Variants in PROSER2 observed in about 807,000 individuals in gnomAD.
PROSER2 encodes the protein proline and serine-rich protein 2.
A neutral mutation model predicts 14.6 loss-of-function variants in PROSER2; 18 were observed. That is an observed-to-expected ratio of 1.23 (90% CI 0.85 to 1.83). The LOEUF (loss-of-function observed/expected upper bound fraction) is 1.83, where lower values mean the gene tolerates loss of function less well. Ranked by LOEUF, PROSER2 falls within the 40% of genes most tolerant of loss-of-function variation. The probability of loss-of-function intolerance (pLI) is 0.00; values close to 1 mark genes in which losing one functional copy is unlikely to be tolerated. For missense variants in PROSER2, 823 were observed against 629.8 expected (o/e 1.31, Z -3.28); for synonymous variants, 367 against 286.4 (o/e 1.28, Z -2.84).
In PROSER2 at chr10:11,836,666, A is replaced by G. The variant is rs999561595; in HGVS notation, c.-82+13196A>G. On this transcript the variant is annotated intron_variant, in intron 1 of 3. Coordinates refer to ENST00000277570, the MANE Select transcript of PROSER2 (RefSeq NM_153256.4). The surrounding 1 kb of genome is among the most constrained non-coding windows in gnomAD (Gnocchi z 4.6). Reference sequence around the variant, plus strand: ...TGCTCACTGACCTCTGCCCTACTGTATATCCTGACACAGGAAGGGGGATGT... The same window carrying G: ...TGCTCACTGACCTCTGCCCTACTGTGTATCCTGACACAGGAAGGGGGATGT... 6.6e-6 allele frequency among the ~76,000 whole-genome samples: 1 copy of G among 152,058 alleles called. No homozygotes were observed. The highest frequency in any genetic ancestry group is 6.6e-5 in the Admixed American group (1 of 15,262).
chr10:11,825,502 C>T (rs534313501), intron 1 of PROSER2, among the ~76,000 whole-genome samples: 36 of 152,328 alleles, frequency 2.4e-4, no homozygotes, highest in Middle Eastern at 3.4e-3. Flanking sequence ...CCCCGCTCCA[C>T]TCTGAGGGGT....
Position 11,870,615 on chromosome 10 carries a change from C to T in PROSER2, c.*209C>T. 1 of 471,016 alleles carries T rather than the reference C, an allele frequency of 2.1e-6. No homozygotes were observed. Among genetic ancestry groups the T allele is most frequent in the Non-Finnish European group, 3.8e-6 (1 of 261,586 alleles). 29.2% of individuals were successfully genotyped at this position (471,016 alleles called of 1,614,324 possible). ...CCAGCCACCGGCACAGAGAACTCTT[C>T]CCTAAAGGAATCTGGCCGAGGGCTT... is the stretch of plus-strand genomic sequence containing the variant. On this transcript the variant is annotated 3_prime_UTR_variant, in exon 4 of 4. Coordinates refer to ENST00000277570, the MANE Select transcript of PROSER2 (RefSeq NM_153256.4).
chr10:11,855,175 T>C (rs1468331360), intron 2 of PROSER2, among the ~76,000 whole-genome samples: 1 of 150,754 alleles, frequency 6.6e-6, no homozygotes, highest in Non-Finnish European at 1.5e-5. Flanking sequence ...GCAAACGTTA[T>C]TCTTAAAAGA....
chr10:11,855,489 AAG>A, intron 2 of PROSER2, among the ~76,000 whole-genome samples: 1 of 150,998 alleles, frequency 6.6e-6, no homozygotes, highest in African/African-American at 2.5e-5. Flanking sequence ...AAAAAAAAAA[AAG>A]AAAAAAGACG....
At position 11,867,751 on chromosome 10, in the gene PROSER2, C is replaced by T. The variant is rs141557270; in HGVS notation, c.391+968C>T. ...CGCTCACCACTCACGTCCTGCTGTGCGCCCCAGTTCCTAACAGGCCAGACC... is the reference window on the plus strand; with the variant it reads ...CGCTCACCACTCACGTCCTGCTGTGTGCCCCAGTTCCTAACAGGCCAGACC... On this transcript the variant is annotated intron_variant, in intron 3 of 3. Coordinates refer to ENST00000277570, the MANE Select transcript of PROSER2 (RefSeq NM_153256.4). 5.8e-4 allele frequency among the ~76,000 whole-genome samples: 88 copies of T among 152,312 alleles called. 1 individual carries two copies. The highest frequency in any genetic ancestry group is 1.1e-3 in the Non-Finnish European group (76 of 68,032).
rs1834264295 is a variant in PROSER2 at position 11,862,510 on chromosome 10, A to G, written c.139-4021A>G. Among the ~76,000 whole-genome samples, 1 of 152,156 alleles carries G rather than the reference A, an allele frequency of 6.6e-6. No homozygotes were observed. The highest frequency in any genetic ancestry group is 1.5e-5 in the Non-Finnish European group (1 of 68,030). ...AGTTCAAGATCAGCCTGGGCCATGT[A>G]GCAAGACTTTGTCTCTACAAAAAAT... On this transcript the variant is annotated intron_variant, in intron 2 of 3. Transcript: ENST00000277570. This position sits in a 1 kb window ranked among gnomAD's most constrained non-coding sequence, Gnocchi z 4.2.
In PROSER2 at chr10:11,865,881, C is replaced by G. The variant is rs1328672790; in HGVS notation, c.139-650C>G. On this transcript the variant is annotated intron_variant, in intron 2 of 3. Coordinates refer to ENST00000277570, the MANE Select transcript of PROSER2 (RefSeq NM_153256.4). The surrounding 1 kb of genome is among the most constrained non-coding windows in gnomAD (Gnocchi z 4.2). ...TTCACCGTCACCTTGCCCACACTTC[C>G]AGAGCCGCTCAGCACCTCCAGGGCC... Among the ~76,000 whole-genome samples the G allele has an allele frequency of 1.3e-5, 2 of 152,196 alleles. No individual in the cohort carries two copies. Among genetic ancestry groups the G allele is most frequent in the Non-Finnish European group, 2.9e-5 (2 of 68,030 alleles).
chr10:11,837,782 C>A lies in PROSER2; in HGVS notation c.-81-14215C>A, dbSNP rs968666054. 1.3e-5 allele frequency among the ~76,000 whole-genome samples: 2 copies of A among 152,142 alleles called. No homozygotes were observed. The highest frequency in any genetic ancestry group is 4.8e-5 in the African/African-American group (2 of 41,424). On this transcript the variant is annotated intron_variant, in intron 1 of 3. Transcript: ENST00000277570. The surrounding 1 kb of genome is among the most constrained non-coding windows in gnomAD (Gnocchi z 4.6). ...AAACCTAATAGTAGAATGTGAGAAACTTCATATTATTTGTTCCAGCTTAGA... is the reference window on the plus strand; with the variant it reads ...AAACCTAATAGTAGAATGTGAGAAAATTCATATTATTTGTTCCAGCTTAGA...
chr10:11,843,231 C>T (rs1301721934), intron 1 of PROSER2, among the ~76,000 whole-genome samples: 2 of 150,658 alleles, frequency 1.3e-5, no homozygotes, highest in Non-Finnish European at 1.5e-5. Flanking sequence ...CGAGCCACCG[C>T]ACCCAGCCTT....
intron 1 of PROSER2, among the ~76,000 whole-genome samples, chr10:11,827,283 C>G (rs1400264211): frequency 6.6e-6 from 1 of 151,948 alleles, no homozygotes; most frequent in Non-Finnish European, 1.5e-5. Context: ...GACTTCGTTG[C>G]TGGACATCTC....
chr10:11,870,269 G>T lies in PROSER2; in HGVS notation c.1171G>T (p.Gly391Cys), dbSNP rs879092693. ...QSFPGPRQPN[G>C]AQDWRRADSL... is the part of the protein sequence containing the mutation. ...CTTCCCCGGGCCCCGGCAGCCCAAC[G>T]GCGCCCAGGACTGGCGCCGCGCAGA... The change falls in exon 4 of 4, where the codon GGC (glycine) becomes TGC (cysteine). Residue 391 changes from glycine (G) to cysteine (C), a missense_variant. Physicochemically the swap from Gly to Cys is radical, Grantham distance 159 (BLOSUM62 -3). Coordinates refer to ENST00000277570, the MANE Select transcript of PROSER2 (RefSeq NM_153256.4). 6 of 1,488,970 alleles carry T rather than the reference G, an allele frequency of 4.0e-6. No homozygotes were observed. The South Asian group carries it at 7.5e-5, about 19-fold the overall frequency. 92.2% of individuals were successfully genotyped at this position (1,488,970 alleles called of 1,614,324 possible).
Position 11,869,553 on chromosome 10 carries a change from C to A in PROSER2, c.455C>A (p.Pro152His). Residue 152 changes from proline to histidine, a missense_variant, in exon 4 of 4, where the codon CCC becomes CAC. Pro to His is a moderately conservative substitution (Grantham distance 77). Transcript: ENST00000277570. This position sits in a 1 kb window ranked among gnomAD's most constrained non-coding sequence, Gnocchi z 4.4. ...QDAETPPPPD[P>H]PAPETLLAPP... ...GCTGAGACTCCTCCACCTCCAGACC[C>A]CCCGGCTCCCGAGACCCTTCTTGCG... 1 of 1,613,554 alleles carries A rather than the reference C, an allele frequency of 6.2e-7. No individual in the cohort carries two copies. The highest frequency in any genetic ancestry group is 8.5e-7 in the Non-Finnish European group (1 of 1,179,550).
chr10:11,869,225 A>C lies in PROSER2; in HGVS notation c.392-265A>C. ...AGGGGCTGGAGCCTCAGCAGCCCAC[A>C]TGGACGGAATGTCTCCTAGGTGTGG... On this transcript the variant is annotated intron_variant, in intron 3 of 3. Coordinates refer to ENST00000277570, the MANE Select transcript of PROSER2 (RefSeq NM_153256.4). This position sits in a 1 kb window ranked among gnomAD's most constrained non-coding sequence, Gnocchi z 4.4. 1.8e-6 allele frequency: 1 copy of C among 542,810 alleles called. No homozygotes were observed. Among genetic ancestry groups the C allele is most frequent in the South Asian group, 2.2e-5 (1 of 46,208 alleles). 33.6% of individuals were successfully genotyped at this position (542,810 alleles called of 1,614,324 possible).
rs1564314629 is a variant in PROSER2, at chr10:11,866,791, G to A, written c.391+8G>A. ...AGGGGACCCAGGCAGCAGGTGAGGG[G>A]GAAGACAGGCCATCCCTGGGATGTG... On this transcript the variant is annotated splice_region_variant and intron_variant, in intron 3 of 3. Coordinates refer to ENST00000277570, the MANE Select transcript of PROSER2 (RefSeq NM_153256.4). This position sits in a 1 kb window ranked among gnomAD's most constrained non-coding sequence, Gnocchi z 6.0. 1.2e-6 allele frequency: 2 copies of A among 1,606,852 alleles called. No homozygotes were observed. The highest frequency in any genetic ancestry group is 1.7e-6 in the Non-Finnish European group (2 of 1,178,196).
chr10:11,863,549 A>C (rs530295382), intron 2 of PROSER2, among the ~76,000 whole-genome samples: 1,918 of 152,106 alleles, frequency 0.013, 21 homozygotes, highest in Non-Finnish European at 0.019. Context: ...CCCACAAAAA[A>C]AAAAAAAAGT....
At position 11,871,154 on chromosome 10, in the gene PROSER2, C is replaced by A. The variant is rs1462535771; in HGVS notation, c.*748C>A. 6.6e-6 allele frequency: 1 copy of A among 152,182 alleles called. No individual in the cohort carries two copies. Among genetic ancestry groups the A allele is most frequent in the Non-Finnish European group, 1.5e-5 (1 of 68,052 alleles). The allele number at this position is 152,182 out of a possible 1,614,324, so 9.4% of individuals were successfully genotyped here. A position where few individuals can be genotyped will look rare whatever the true frequency, so the allele number is the denominator to read the frequency against. On this transcript the variant is annotated 3_prime_UTR_variant, in exon 4 of 4. Coordinates refer to ENST00000277570, the MANE Select transcript of PROSER2 (RefSeq NM_153256.4). ...TGTCAACACATACATGCATAGGTAT[C>A]CTGTGTGTCCACATGCATCATTATT...
At chr10:11,840,618 T>C (rs1185485480) in intron 1 of PROSER2, among the ~76,000 whole-genome samples, 1 of 152,046 alleles carries the variant, frequency 6.6e-6, no homozygotes, top group African/African-American at 2.4e-5. Flanking sequence ...TGTCAAGGTT[T>C]TAGTAGCCTC....
intron 1 of PROSER2, among the ~76,000 whole-genome samples, chr10:11,829,579 C>T (rs970521772): frequency 2.5e-4 from 38 of 149,944 alleles, no homozygotes; most frequent in Non-Finnish European, 4.3e-4. Context: ...GAGACCCTGT[C>T]TCAAAAAAAA....
At chr10:11,845,882 G>A (rs1833917467) in intron 1 of PROSER2, among the ~76,000 whole-genome samples, 1 of 152,180 alleles carries the variant, frequency 6.6e-6, no homozygotes, top group Non-Finnish European at 1.5e-5. Context: ...TCTGGTGGGG[G>A]GACCCTCAGA....
Sources: allele counts gnomAD v4.1 joint callset (sites outside exome capture counted in the v4.1 genomes callset), GRCh38; gene constraint gnomAD v4.1.1; non-coding constraint Gnocchi (gnomAD v3.1); transcripts MANE v1.5; gene names NCBI Gene and HGNC (gene_info 2026-07-23, HGNC 2026-07-21).